The following PGRMC1 variants were observed in gnomAD, a reference collection of about 807,000 sequenced individuals.
PGRMC1 encodes progesterone receptor membrane component 1.
For missense variants in PGRMC1, 145 were observed against 169.0 expected (o/e 0.86, Z 0.79); for synonymous variants, 73 against 77.3 (o/e 0.94, Z 0.29).
At chrX:119,239,982 A>G (rs975768150) in intron 1 of PGRMC1, among the ~76,000 whole-genome samples, 3 of 112,196 alleles carry the variant, frequency 2.7e-5, no homozygotes, top group African/African-American at 6.5e-5. Flanking sequence ...TCCCAGTTCA[A>G]TGTTCTTGTA....
intron 2 of PGRMC1, among the ~76,000 whole-genome samples, chrX:119,242,309 C>G (rs1435605455): frequency 9.1e-6 from 1 of 109,817 alleles, no homozygotes; most frequent in Non-Finnish European, 1.9e-5. Flanking sequence ...CCACAGAGTT[C>G]CCATTTTGGT....
chrX:119,238,802 A>G (rs1441254677), intron 1 of PGRMC1, among the ~76,000 whole-genome samples: 1 of 112,217 alleles, frequency 8.9e-6, no homozygotes, highest in Non-Finnish European at 1.9e-5. Context: ...GTGATGCTTC[A>G]TGTTGTAAAG....
In PGRMC1 at chrX:119,236,367, G is replaced by A. The variant is rs768915505; in HGVS notation, c.4G>A (p.Ala2Thr). The change falls in exon 1 of 3, where the codon GCT (alanine) becomes ACT (threonine). Residue 2 changes from alanine to threonine, a missense_variant. Coordinates refer to ENST00000217971, the MANE Select transcript of PGRMC1 (RefSeq NM_006667.5). ...CCCAACCTTTACTCCAGAGATCATG[G>A]CTGCCGAGGATGTGGTGGCGACTGG... M[A>T]AEDVVATGAD... is the part of the protein sequence containing the mutation. 8.3e-7 allele frequency: 1 copy of A among 1,209,115 alleles called. No individual in the cohort carries two copies. The highest frequency in any genetic ancestry group is 1.1e-6 in the Non-Finnish European group (1 of 893,610).
At chrX:119,240,524 A>C (rs1465875732) in intron 2 of PGRMC1, 60 bp downstream of exon 2, 2 of 978,102 alleles carry the variant, frequency 2.0e-6, no homozygotes, top group African/African-American at 1.9e-5. Flanking sequence ...GATTCGTGGC[A>C]GGACAATAGT....
At position 119,240,311 on chromosome X, in the gene PGRMC1, G is replaced by A; in HGVS notation, c.331G>A (p.Gly111Arg). The A allele has an allele frequency of 9.9e-6, 12 of 1,209,808 alleles. No individual in the cohort carries two copies. Among genetic ancestry groups the A allele is most frequent in the Non-Finnish European group, 1.3e-5 (12 of 894,202 alleles). The change falls in exon 2 of 3, where the codon GGG (glycine) becomes AGG (arginine). Residue 111 changes from glycine to arginine, a missense_variant and splice_region_variant. Physicochemically the swap from Gly to Arg is moderately radical, Grantham distance 125 (BLOSUM62 -2). Coordinates refer to ENST00000217971, the MANE Select transcript of PGRMC1 (RefSeq NM_006667.5). ...GATCTTTGGTTTTGTTTTTGAAGAG[G>A]GGCCGTATGGGGTCTTTGCTGGAAG... ...TKGRKFYGPE[G>R]PYGVFAGRDA...
In PGRMC1 at chrX:119,243,789, T is replaced by G. The variant is rs1930876326; in HGVS notation, c.*535T>G. 2 of 124,015 alleles carry G rather than the reference T, an allele frequency of 1.6e-5. No individual in the cohort carries two copies. The highest frequency in any genetic ancestry group is 1.6e-4 in the Admixed American group (2 of 12,283). The allele number at this position is 124,015 out of a possible 1,213,427, so 10.2% of individuals were successfully genotyped here. The stretch of plus-strand genomic sequence containing the variant: ...ATGAAATCTCAAAACAGAGCTCAGC[T>G]GCAAAAAAGCATATTTTCTGTGTTT... On this transcript the variant is annotated 3_prime_UTR_variant, in exon 3 of 3. Coordinates refer to ENST00000217971, the MANE Select transcript of PGRMC1 (RefSeq NM_006667.5).
In PGRMC1 at chrX:119,243,662, C is replaced by G. The variant is rs1405617942; in HGVS notation, c.*408C>G. The G allele has an allele frequency of 5.8e-6, 1 of 172,406 alleles. No homozygotes were observed. Among genetic ancestry groups the G allele is most frequent in the Admixed American group, 7.4e-5 (1 of 13,490 alleles). 14.2% of individuals were successfully genotyped at this position (172,406 alleles called of 1,213,427 possible). On this transcript the variant is annotated 3_prime_UTR_variant, in exon 3 of 3. Coordinates refer to ENST00000217971, the MANE Select transcript of PGRMC1 (RefSeq NM_006667.5). The stretch of plus-strand genomic sequence containing the variant: ...AAAGACAACAAATCCCTTTTTTTTT[C>G]TCAATTGACTTAACTGCATGATTTC...
Position 119,243,501 on chromosome X carries a change from A to G in PGRMC1, c.*247A>G, listed in dbSNP as rs1930867718. ...CACATGTTAATACTGTTTTTCTTCT[A>G]TCTGTAGTTAGTACAGGATGAATTT... On this transcript the variant is annotated 3_prime_UTR_variant, in exon 3 of 3. Coordinates refer to ENST00000217971, the MANE Select transcript of PGRMC1 (RefSeq NM_006667.5). 2.7e-6 allele frequency: 1 copy of G among 373,199 alleles called. No individual in the cohort carries two copies. Among genetic ancestry groups the G allele is most frequent in the African/African-American group, 2.6e-5 (1 of 39,099 alleles). The allele number at this position is 373,199 out of a possible 1,213,427, so 30.8% of individuals were successfully genotyped here. A position where few individuals can be genotyped will look rare whatever the true frequency, so the allele number is the denominator to read the frequency against.
intron 1 of PGRMC1, among the ~76,000 whole-genome samples, 158 bp from the exon 2 acceptor site, chrX:119,240,151 C>T (rs1044196003): frequency 8.9e-6 from 1 of 112,487 alleles, no homozygotes; most frequent in East Asian, 2.8e-4. Context: ...GTGTCTCCTA[C>T]ATAATGTTCA....
At position 119,240,590 on chromosome X, in the gene PGRMC1, C is replaced by T. The variant is rs138521484; in HGVS notation, c.484+126C>T. On this transcript the variant is annotated intron_variant, in intron 2 of 2. Coordinates refer to ENST00000217971, the MANE Select transcript of PGRMC1 (RefSeq NM_006667.5). Reference sequence around the variant, plus strand: ...TTTTGATAGGCTCCTTAATCTTGGACGCATCAAGTTCATGGCTTGAAGTAA... The same window carrying T: ...TTTTGATAGGCTCCTTAATCTTGGATGCATCAAGTTCATGGCTTGAAGTAA... 179 of 533,902 alleles carry T rather than the reference C, an allele frequency of 3.4e-4. 1 individual carries two copies. Among genetic ancestry groups the T allele is most frequent in the African/African-American group, 3.1e-3 (134 of 43,863 alleles). 44.0% of individuals were successfully genotyped at this position (533,902 alleles called of 1,213,427 possible). A position where few individuals can be genotyped will look rare whatever the true frequency, so the allele number is the denominator to read the frequency against.
chrX:119,241,731 T>C (rs902072723), intron 2 of PGRMC1, among the ~76,000 whole-genome samples: 1 of 111,814 alleles, frequency 8.9e-6, no homozygotes, highest in African/African-American at 3.3e-5. Context: ...TTCCCAACGG[T>C]TATTTCACAC....
At chrX:119,240,976 A>C (rs1458271256) in intron 2 of PGRMC1, among the ~76,000 whole-genome samples, 2 of 112,256 alleles carry the variant, frequency 1.8e-5, no homozygotes, top group Non-Finnish European at 3.8e-5. Context: ...TGCATTTTTA[A>C]AAAGAAAGTA....
intron 1 of PGRMC1, among the ~76,000 whole-genome samples, chrX:119,239,870 A>G (rs41294894): frequency 0.057 from 6,430 of 111,909 alleles, 182 homozygotes; most frequent in African/African-American, 0.094. Context: ...ATATCAGAAT[A>G]TATTCATAAG....
Position 119,240,338 on chromosome X carries a change from G to A in PGRMC1, c.358G>A (p.Asp120Asn). The change falls in exon 2 of 3, where the codon GAT becomes AAT. Residue 120 changes from aspartate to asparagine, a missense_variant. Physicochemically the swap from Asp to Asn is conservative, Grantham distance 23. Transcript: ENST00000217971. ...GCCGTATGGGGTCTTTGCTGGAAGA[G>A]ATGCATCCAGGGGCCTTGCCACATT... ...EGPYGVFAGR[D>N]ASRGLATFCL... 1 of 1,210,625 alleles carries A rather than the reference G, an allele frequency of 8.3e-7. No homozygotes were observed. Among genetic ancestry groups the A allele is most frequent in the Non-Finnish European group, 1.1e-6 (1 of 894,498 alleles).
chrX:119,237,886 C>T (rs940426316), intron 1 of PGRMC1, among the ~76,000 whole-genome samples: 3 of 111,388 alleles, frequency 2.7e-5, no homozygotes, highest in Admixed American at 9.4e-5. Flanking sequence ...AAATGAGTCT[C>T]GGGTGGTCCG....
intron 1 of PGRMC1, among the ~76,000 whole-genome samples, 183 bp downstream of exon 1, chrX:119,236,874 A>G (rs1930713968): frequency 8.9e-6 from 1 of 112,158 alleles, no homozygotes; most frequent in Admixed American, 9.2e-5. Context: ...GCAGGGAACA[A>G]GAGGCGCTCT....
intron 2 of PGRMC1, among the ~76,000 whole-genome samples, chrX:119,242,673 C>A (rs1166264587): frequency 8.9e-6 from 1 of 111,890 alleles, no homozygotes; most frequent in African/African-American, 3.3e-5. Flanking sequence ...CTCCTACTAA[C>A]TTCTAAATGT....
At chrX:119,238,319 T>TG (rs956648403) in intron 1 of PGRMC1, among the ~76,000 whole-genome samples, 6 of 111,942 alleles carry the variant, frequency 5.4e-5, no homozygotes, top group African/African-American at 1.9e-4. Context: ...TTTCCCAAAG[T>TG]GCTGGGATTA....
Position 119,236,686 on chromosome X carries a change from G to A in PGRMC1, c.323G>A (p.Gly108Glu), listed in dbSNP as rs1223656397. Reference sequence around the variant, plus strand: ...GTGACCAAAGGCCGCAAATTCTACGGGCCCGGTACGCGGCCGGCGAGGGGG... The same window carrying A: ...GTGACCAAAGGCCGCAAATTCTACGAGCCCGGTACGCGGCCGGCGAGGGGG... ...FDVTKGRKFY[G>E]PEGPYGVFAG... The change falls in exon 1 of 3, where the codon GGG becomes GAG. Residue 108 changes from glycine to glutamate, a missense_variant. By Grantham distance (98) the Gly-to-Glu change is moderately conservative. Transcript: ENST00000217971. The A allele has an allele frequency of 8.4e-7, 1 of 1,186,351 alleles. No individual in the cohort carries two copies. Among genetic ancestry groups the A allele is most frequent in the South Asian group, 1.9e-5 (1 of 53,073 alleles).
Sources: gnomAD v4.1 joint callset for allele counts (sites outside exome capture counted in the v4.1 genomes callset) on GRCh38, gnomAD v4.1.1 for gene constraint, MANE v1.5 for transcripts, NCBI Gene and HGNC (gene_info 2026-07-23, HGNC 2026-07-21) for gene names.